Variants in CSMD1 observed in about 807,000 individuals in gnomAD.
CSMD1 encodes the protein CUB and sushi domain-containing protein 1.
A neutral mutation model predicts 417.5 loss-of-function variants in CSMD1; 213 were observed. That is an observed-to-expected ratio of 0.51 (90% CI 0.46 to 0.57). The LOEUF (loss-of-function observed/expected upper bound fraction) is 0.57. CSMD1 is among the 20% of genes least tolerant of loss of function. The probability of loss-of-function intolerance (pLI) is 0.00; values close to 1 mark genes in which losing one functional copy is unlikely to be tolerated. For missense variants in CSMD1, 6,923 were observed against 4,529.7 expected, an observed-to-expected ratio of 1.53 and a Z score of -15.17; for synonymous variants, 2,862 against 1,736.8, an observed-to-expected ratio of 1.65 and a Z score of -16.11.
chr8:3,967,030 C>T (rs1032138736), intron 5 of CSMD1, among the ~76,000 whole-genome samples: 1 of 152,074 alleles, frequency 6.6e-6, no homozygotes, highest in Non-Finnish European at 1.5e-5. Context: ...TCTCCAAGGC[C>T]GTTTTAGTTG....
chr8:3,355,045 C>T (rs1030500861), intron 21 of CSMD1, among the ~76,000 whole-genome samples: 67 of 149,072 alleles, frequency 4.5e-4, no homozygotes, highest in African/African-American at 1.5e-3. Context: ...ACTATGCTGT[C>T]GGAAATAACT....
At chr8:4,814,261 G>C (rs1799075749) in intron 1 of CSMD1, among the ~76,000 whole-genome samples, 3 of 152,094 alleles carry the variant, frequency 2.0e-5, no homozygotes, top group Non-Finnish European at 4.4e-5. Flanking sequence ...TGTGTGTGGT[G>C]GGGGATGGAG....
intron 2 of CSMD1, among the ~76,000 whole-genome samples, chr8:4,632,436 G>A (rs763571679): frequency 2.0e-5 from 3 of 152,202 alleles, no homozygotes; most frequent in East Asian, 1.9e-4. Flanking sequence ...TGCTTAAACC[G>A]GAGAGGAGGA....
chr8:3,439,309 A>ATATATATATTT lies in CSMD1; in HGVS notation c.1561+29402_1561+29403insAAATATATATA. Among the ~76,000 whole-genome samples, 188 of 62,340 alleles carry ATATATATATTT rather than the reference A, an allele frequency of 3.0e-3. 1 individual carries two copies. Among genetic ancestry groups the ATATATATATTT allele is most frequent in the African/African-American group, 6.2e-3 (93 of 14,942 alleles). The allele number at this position is 62,340 out of a possible 152,430, so 40.9% of individuals were successfully genotyped here. A position where few individuals can be genotyped will look rare whatever the true frequency, so the allele number is the denominator to read the frequency against. The stretch of plus-strand genomic sequence containing the variant: ...TATATATATATATATATATATATAT[A>ATATATATATTT]TTTTTTTTTTTAATATGTATTTTTA... On this transcript the variant is annotated intron_variant, in intron 12 of 69. Transcript: ENST00000635120.
intron 10 of CSMD1, among the ~76,000 whole-genome samples, chr8:3,513,845 G>A (rs1235582660): frequency 6.6e-6 from 1 of 152,188 alleles, no homozygotes; most frequent in Non-Finnish European, 1.5e-5. Context: ...TGCAGATTTG[G>A]AGAGAAGATC....
chr8:3,771,075 AGTCTT>A (rs762478816), intron 5 of CSMD1, among the ~76,000 whole-genome samples: 51 of 151,986 alleles, frequency 3.4e-4, no homozygotes, highest in Non-Finnish European at 5.4e-4. Flanking sequence ...GGTGGACAAT[AGTCTT>A]GGGGGTATTG....
In CSMD1 at chr8:4,203,429, A is replaced by C. The variant is rs960267439; in HGVS notation, c.416-171330T>G. ...CACTACATTTGTGGTAATATCTCAC[A>C]GCAGCCAGAAAAAAATCCAATGTGC... On this transcript the variant is annotated intron_variant, in intron 3 of 69. Transcript: ENST00000635120. 2.6e-5 allele frequency among the ~76,000 whole-genome samples: 4 copies of C among 152,212 alleles called. No homozygotes were observed. In the South Asian group the frequency reaches 8.3e-4, roughly 32 times the overall value.
chr8:3,637,583 T>C (rs956980764), intron 7 of CSMD1, among the ~76,000 whole-genome samples: 13 of 152,300 alleles, frequency 8.5e-5, no homozygotes, highest in Admixed American at 5.2e-4. Flanking sequence ...TAGTAAAATA[T>C]TGACTACTAT....
chr8:3,815,628 T>C (rs1585039047), intron 5 of CSMD1, among the ~76,000 whole-genome samples: 1 of 16,346 alleles, frequency 6.1e-5, no homozygotes, highest in Admixed American at 4.7e-4. Context: ...TAGACTTTCT[T>C]TTTTTTTTTT....
At chr8:4,280,317 T>A (rs1177462894) in intron 3 of CSMD1, among the ~76,000 whole-genome samples, 1 of 152,060 alleles carries the variant, frequency 6.6e-6, no homozygotes, top group Non-Finnish European at 1.5e-5. Context: ...TGAAAGAGAG[T>A]GGATATGTTA....
intron 1 of CSMD1, among the ~76,000 whole-genome samples, chr8:4,721,815 C>A (rs901750602): frequency 2.0e-5 from 3 of 152,100 alleles, no homozygotes; most frequent in African/African-American, 7.2e-5. Flanking sequence ...TAGGCATCCA[C>A]CAATGCATGA....
At chr8:4,201,824 C>T (rs1052080776) in intron 3 of CSMD1, among the ~76,000 whole-genome samples, 11 of 148,152 alleles carry the variant, frequency 7.4e-5, no homozygotes, top group African/African-American at 2.8e-4. Flanking sequence ...TTCTTCAGTG[C>T]TCCTTATAGA....
intron 3 of CSMD1, among the ~76,000 whole-genome samples, chr8:4,294,445 C>A (rs1346125792): frequency 6.6e-6 from 1 of 152,104 alleles, no homozygotes; most frequent in African/African-American, 2.4e-5. Context: ...ATTAACATCG[C>A]AGGCAATGAT....
At chr8:4,741,777 A>C (rs1308795468) in intron 1 of CSMD1, among the ~76,000 whole-genome samples, 1 of 152,080 alleles carries the variant, frequency 6.6e-6, no homozygotes, top group African/African-American at 2.4e-5. Flanking sequence ...GACCTGCAGG[A>C]TGCAAATCTG....
chr8:3,670,873 GTATATGGGATATATA>G (rs1798980035), intron 7 of CSMD1, among the ~76,000 whole-genome samples: 1 of 150,020 alleles, frequency 6.7e-6, no homozygotes, highest in Admixed American at 6.6e-5. Flanking sequence ...GGATATATAT[GTATATGGGATATATA>G]TGTATGTGAT....
chr8:4,251,788 G>A (rs1423862778), intron 3 of CSMD1, among the ~76,000 whole-genome samples: 1 of 151,488 alleles, frequency 6.6e-6, no homozygotes, highest in Non-Finnish European at 1.5e-5. Context: ...TGGAGAGATG[G>A]AGGAGGAAAG....
intron 3 of CSMD1, among the ~76,000 whole-genome samples, chr8:4,414,797 G>A (rs1200555574): frequency 6.6e-6 from 1 of 152,086 alleles, no homozygotes; most frequent in Non-Finnish European, 1.5e-5. Flanking sequence ...CAAGTGTCAA[G>A]GATTCAAATT....
At chr8:3,950,678 T>G (rs940736954) in intron 5 of CSMD1, among the ~76,000 whole-genome samples, 10 of 152,228 alleles carry the variant, frequency 6.6e-5, no homozygotes, top group Non-Finnish European at 1.3e-4. Context: ...CTCCTGCCAC[T>G]TTAATAATGC....
chr8:4,548,232 C>G (rs1000341645), intron 2 of CSMD1, among the ~76,000 whole-genome samples: 4 of 151,988 alleles, frequency 2.6e-5, no homozygotes, highest in Admixed American at 6.6e-5. Flanking sequence ...AAAAAATGTA[C>G]GTTGAGTGCA....
Sources: gnomAD v4.1 joint callset for allele counts (sites outside exome capture counted in the v4.1 genomes callset) on GRCh38, gnomAD v4.1.1 for gene constraint, MANE v1.5 for transcripts, NCBI Gene and HGNC (gene_info 2026-07-23, HGNC 2026-07-21) for gene names.